Variants in SPSB4 observed in about 807,000 individuals in gnomAD.
SPSB4 encodes splA/ryanodine receptor domain and SOCS box containing 4.
SPSB4 carries 21 observed loss-of-function variants against 20.9 expected under a neutral mutation model. The ratio of observed to expected loss-of-function variants is 1.01; its 90% CI spans 0.71 to 1.45. The LOEUF is 1.45. Among genes scored for constraint, SPSB4 ranks in the 40% most tolerant of loss-of-function variants. SPSB4 has a pLI of 0.00. For synonymous variants in SPSB4, 207 were observed against 183.8 expected (o/e 1.13, Z -1.02); for missense variants, 399 against 399.2 (o/e 1.00, Z 0.00).
intron 2 of SPSB4, among the ~76,000 whole-genome samples, chr3:141,141,094 A>G (rs1291410055): frequency 6.6e-6 from 1 of 152,188 alleles, no homozygotes; most frequent in African/African-American, 2.4e-5. Flanking sequence ...TGTGCTAGCA[A>G]TGAGTGAGGC....
At chr3:141,061,192 G>A (rs1200380987) in intron 1 of SPSB4, among the ~76,000 whole-genome samples, 2 of 151,928 alleles carry the variant, frequency 1.3e-5, no homozygotes, top group East Asian at 1.9e-4. Flanking sequence ...ATGTGAAAAT[G>A]CAAATTACAT....
rs117300467 is a variant in SPSB4, at chr3:141,078,957, G to A, written c.694+12159G>A. Among the ~76,000 whole-genome samples the A allele has an allele frequency of 3.6e-3, 550 of 152,314 alleles. 8 individuals are homozygous for A. The highest frequency in any genetic ancestry group is 0.033 in the East Asian group (169 of 5,192). Reference sequence around the variant, plus strand: ...CTGCTGCATCACTCAGAGGCCACACGGTAGGATGAAAAGCACATTTGGGGC... The same window carrying A: ...CTGCTGCATCACTCAGAGGCCACACAGTAGGATGAAAAGCACATTTGGGGC... On this transcript the variant is annotated intron_variant, in intron 2 of 2. Coordinates refer to ENST00000310546, the MANE Select transcript of SPSB4 (RefSeq NM_080862.3).
At chr3:141,133,153 ATTTGTT>A (rs1939163857) in intron 2 of SPSB4, among the ~76,000 whole-genome samples, 1 of 151,810 alleles carries the variant, frequency 6.6e-6, no homozygotes, top group African/African-American at 2.4e-5. Flanking sequence ...TTGATGGATT[ATTTGTT>A]TTTTTCTTGC....
chr3:141,109,481 G>C lies in SPSB4; in HGVS notation c.695-37661G>C, dbSNP rs983785365. 4.6e-5 allele frequency among the ~76,000 whole-genome samples: 7 copies of C among 152,128 alleles called. No individual in the cohort carries two copies. In the East Asian group the frequency reaches 1.4e-3, roughly 29 times the overall value. On this transcript the variant is annotated intron_variant, in intron 2 of 2. Coordinates refer to ENST00000310546, the MANE Select transcript of SPSB4 (RefSeq NM_080862.3). ...CTCCTCTGCCTCCCATACCCACCCT[G>C]GGCCAGCCAGATCCACTTCCTTGCC...
At chr3:141,059,796 C>A (rs1043181143) in intron 1 of SPSB4, among the ~76,000 whole-genome samples, 2 of 151,876 alleles carry the variant, frequency 1.3e-5, no homozygotes, top group African/African-American at 2.4e-5. Flanking sequence ...TAAAAGAGCA[C>A]TCACCACTTA....
At chr3:141,088,972 A>G (rs909671332) in intron 2 of SPSB4, among the ~76,000 whole-genome samples, 4 of 152,172 alleles carry the variant, frequency 2.6e-5, no homozygotes, top group Non-Finnish European at 4.4e-5. Flanking sequence ...CCAAACACTG[A>G]TATATACACT....
chr3:141,065,992 G>A lies in SPSB4; in HGVS notation c.-113G>A. 1.0e-6 allele frequency: 1 copy of A among 984,634 alleles called. No individual in the cohort carries two copies. Among genetic ancestry groups the A allele is most frequent in the Non-Finnish European group, 1.4e-6 (1 of 710,708 alleles). 61.0% of individuals were successfully genotyped at this position (984,634 alleles called of 1,614,324 possible). ...CCGCAGCCCGGTAGAGGCTGTGGAG[G>A]TCTACCGTCCGGAAGCCTGGTTCCC... is the stretch of plus-strand genomic sequence containing the variant. On this transcript the variant is annotated 5_prime_UTR_variant, in exon 2 of 3. Coordinates refer to ENST00000310546, the MANE Select transcript of SPSB4 (RefSeq NM_080862.3).
At chr3:141,061,531 C>T (rs1937760841) in intron 1 of SPSB4, among the ~76,000 whole-genome samples, 2 of 151,912 alleles carry the variant, frequency 1.3e-5, no homozygotes, top group South Asian at 4.1e-4. Flanking sequence ...CCTAGTTTCC[C>T]CAATTATTAG....
intron 2 of SPSB4, among the ~76,000 whole-genome samples, chr3:141,071,500 G>A (rs922341411): frequency 2.0e-5 from 3 of 151,514 alleles, no homozygotes; most frequent in African/African-American, 4.9e-5. Flanking sequence ...TCTTTTCGTC[G>A]CAATAAGTCA....
chr3:141,138,649 G>GAGTGGAAT (rs1939271168), intron 2 of SPSB4, among the ~76,000 whole-genome samples: 1 of 152,194 alleles, frequency 6.6e-6, no homozygotes, highest in Non-Finnish European at 1.5e-5. Context: ...GTGGTTTTGA[G>GAGTGGAAT]TGAGTTTCTT....
chr3:141,141,390 GA>G lies in SPSB4; in HGVS notation c.695-5749del, dbSNP rs568658254. ...TGAGATGAACCCGGTACCTCAGTTG[GA>G]AATGCAGAAATCACCCATCTTCTGC... On this transcript the variant is annotated intron_variant, in intron 2 of 2. Transcript: ENST00000310546. Among the ~76,000 whole-genome samples, 418 of 152,282 alleles carry G rather than the reference GA, an allele frequency of 2.7e-3. 1 individual carries two copies. The highest frequency in any genetic ancestry group is 9.3e-3 in the African/African-American group (386 of 41,542).
At chr3:141,106,723 C>T (rs535344742) in intron 2 of SPSB4, among the ~76,000 whole-genome samples, 3 of 152,276 alleles carry the variant, frequency 2.0e-5, no homozygotes, top group Admixed American at 6.5e-5. Context: ...CAGGGTCTGA[C>T]GTCTCTCTCT....
chr3:141,052,733 C>T lies in SPSB4; in HGVS notation c.-154+741C>T, dbSNP rs547089418. 2.7e-3 allele frequency among the ~76,000 whole-genome samples: 404 copies of T among 152,142 alleles called. 9 individuals carry two copies. Among genetic ancestry groups the T allele is most frequent in the East Asian group, 3.9e-3 (20 of 5,156 alleles). On this transcript the variant is annotated intron_variant, in intron 1 of 2. Coordinates refer to ENST00000310546, the MANE Select transcript of SPSB4 (RefSeq NM_080862.3). Reference sequence around the variant, plus strand: ...GCTTGAATACAAACTTGTCTATGCTCGGGAAGGGAGGGGGTTGGGAGCTCA... The same window carrying T: ...GCTTGAATACAAACTTGTCTATGCTTGGGAAGGGAGGGGGTTGGGAGCTCA...
At chr3:141,080,158 T>C (rs1382000350) in intron 2 of SPSB4, 1 of 152,246 alleles carries the variant, frequency 6.6e-6, no homozygotes, top group African/African-American at 2.4e-5. Context: ...GAGGTGGATA[T>C]GGCCATTTGC....
chr3:141,074,075 T>C (rs996013653), intron 2 of SPSB4, among the ~76,000 whole-genome samples: 8 of 152,194 alleles, frequency 5.3e-5, no homozygotes, highest in African/African-American at 1.9e-4. Flanking sequence ...GTGACAGCAT[T>C]TGAAATCAGG....
At chr3:141,134,254 C>T (rs1277014028) in intron 2 of SPSB4, among the ~76,000 whole-genome samples, 4 of 151,964 alleles carry the variant, frequency 2.6e-5, no homozygotes, top group South Asian at 2.1e-4. Context: ...GTCATATCAT[C>T]GGCAAATAGC....
At chr3:141,060,693 T>C (rs1377435661) in intron 1 of SPSB4, among the ~76,000 whole-genome samples, 2 of 152,198 alleles carry the variant, frequency 1.3e-5, no homozygotes, top group South Asian at 2.1e-4. Context: ...TGAAAGATGG[T>C]GTTAATTTGC....
chr3:141,070,251 G>A (rs747234989), intron 2 of SPSB4, among the ~76,000 whole-genome samples: 22 of 152,326 alleles, frequency 1.4e-4, no homozygotes, highest in East Asian at 1.9e-4. Flanking sequence ...TAATACTTAT[G>A]TAGTGTTTAG....
At chr3:141,124,185 A>G (rs1051844232) in intron 2 of SPSB4, 6 of 152,212 alleles carry the variant, frequency 3.9e-5, no homozygotes, top group African/African-American at 1.2e-4. Flanking sequence ...CCCAGAACCT[A>G]CAATATCCAA....
Sources: allele counts gnomAD v4.1 joint callset (sites outside exome capture counted in the v4.1 genomes callset), GRCh38; gene constraint gnomAD v4.1.1; transcripts MANE v1.5; gene names NCBI Gene and HGNC (gene_info 2026-07-23, HGNC 2026-07-21).